NCOA2: variants seen among roughly 807,000 people sequenced by gnomAD.
NCOA2 encodes class E basic helix-loop-helix protein 75.
A neutral mutation model predicts 145.1 loss-of-function variants in NCOA2; 21 were observed. That is an observed-to-expected ratio of 0.14 (90% confidence interval 0.10 to 0.21). The LOEUF is 0.21. Ranked by LOEUF, NCOA2 falls within the 10% of genes least tolerant of loss-of-function variation. The pLI, the probability that NCOA2 is intolerant of heterozygous loss-of-function variation, is 1.00. For synonymous variants in NCOA2, 619 were observed against 637.5 expected (o/e 0.97, Z 0.44); for missense variants, 1,472 against 1,837.6 (o/e 0.80, Z 3.64).
At position 70,144,636 on chromosome 8, in the gene NCOA2, C is replaced by G; in HGVS notation, c.2812+6G>C. ...CAATAAAGTAACAGTGCATTTGACC[C>G]CTTACCTGTGCTACTGTTCCCTAAA... On this transcript the variant is annotated splice_donor_region_variant and intron_variant, in intron 13 of 22. Transcript: ENST00000452400. 6.2e-7 allele frequency: 1 copy of G among 1,610,086 alleles called. No individual in the cohort carries two copies. Among genetic ancestry groups the G allele is most frequent in the East Asian group, 2.2e-5 (1 of 44,856 alleles).
chr8:70,119,083 G>A (rs1360717779), intron 22 of NCOA2, among the ~76,000 whole-genome samples: 3 of 152,104 alleles, frequency 2.0e-5, no homozygotes, highest in African/African-American at 7.2e-5. Context: ...TCAAGACAGG[G>A]TTTTAGGGTG....
chr8:70,426,081 A>G, the NCOA2 span, among the ~76,000 whole-genome samples: 1 of 152,210 alleles, frequency 6.6e-6, no homozygotes, highest in East Asian at 1.9e-4. Flanking sequence ...AGTAAACAGC[A>G]AAACTCTTCT....
intron 4 of NCOA2, among the ~76,000 whole-genome samples, chr8:70,199,553 C>G (rs950345838): frequency 6.6e-6 from 1 of 151,638 alleles, no homozygotes; most frequent in Non-Finnish European, 1.5e-5. Context: ...CTCTGATCAA[C>G]GGGAGTCGCT....
chr8:70,226,789 A>T (rs552526561), intron 2 of NCOA2, among the ~76,000 whole-genome samples: 28 of 152,000 alleles, frequency 1.8e-4, no homozygotes, highest in Non-Finnish European at 3.7e-4. Context: ...TATGTTCTTT[A>T]ACTATATGGA....
At chr8:70,340,628 T>C (rs868122427) in intron 1 of NCOA2, among the ~76,000 whole-genome samples, 3 of 152,238 alleles carry the variant, frequency 2.0e-5, no homozygotes, top group Non-Finnish European at 4.4e-5. Context: ...CATTCTATTA[T>C]AAAGATACAT....
At position 70,337,985 on chromosome 8, in the gene NCOA2, T is replaced by C. The variant is rs370275370; in HGVS notation, c.-76-41185A>G. ...GCACTAAATGCCCACATCAAAAAGC[T>C]AGAAAGATCTCAAGTTAATAACCTA... On this transcript the variant is annotated intron_variant, in intron 1 of 22. Coordinates refer to ENST00000452400, the MANE Select transcript of NCOA2 (RefSeq NM_006540.4). 1.8e-3 allele frequency among the ~76,000 whole-genome samples: 274 copies of C among 152,042 alleles called. 1 individual carries two copies. Among genetic ancestry groups the C allele is most frequent in the African/African-American group, 6.4e-3 (266 of 41,472 alleles).
intron 4 of NCOA2, among the ~76,000 whole-genome samples, chr8:70,194,964 A>G (rs1586044208): frequency 6.6e-6 from 1 of 152,168 alleles, no homozygotes; most frequent in South Asian, 2.1e-4. Context: ...CTAGACTTCA[A>G]TGCTAGTCCT....
chr8:70,309,974 C>A (rs1190182050), intron 1 of NCOA2, among the ~76,000 whole-genome samples: 1 of 150,648 alleles, frequency 6.6e-6, no homozygotes. Context: ...AACAAACAAA[C>A]AAAAAAACGA....
At chr8:70,406,126 T>C (rs1423355970), upstream of NCOA2, among the ~76,000 whole-genome samples, 1 of 152,224 alleles carries the variant, frequency 6.6e-6, no homozygotes, top group Non-Finnish European at 1.5e-5. Flanking sequence ...CCTAGTCTTG[T>C]TCTTGTTTGT....
At chr8:70,208,045 G>A (rs1313998195) in intron 4 of NCOA2, among the ~76,000 whole-genome samples, 1 of 151,792 alleles carries the variant, frequency 6.6e-6, no homozygotes, top group East Asian at 1.9e-4. Context: ...GAGCTTAAGA[G>A]TTCGAGACCA....
rs116813268 is a variant in NCOA2, at chr8:70,288,303, G to A, written c.-20+8441C>T. On this transcript the variant is annotated intron_variant, in intron 2 of 22. Coordinates refer to ENST00000452400, the MANE Select transcript of NCOA2 (RefSeq NM_006540.4). ...TTTAAAAATATGGAGGAAATAGGCC[G>A]GTGTGTGGCTCATGCCTGTAATCTC... Among the ~76,000 whole-genome samples the A allele has an allele frequency of 9.3e-3, 1,422 of 152,206 alleles. 22 individuals are homozygous for A. Among genetic ancestry groups the A allele is most frequent in the African/African-American group, 0.032 (1,319 of 41,522 alleles).
intron 1 of NCOA2, among the ~76,000 whole-genome samples, chr8:70,339,732 A>T (rs1479451352): frequency 6.6e-6 from 1 of 152,214 alleles, no homozygotes; most frequent in African/African-American, 2.4e-5. Flanking sequence ...CTGGTATAAA[A>T]ACAGACACAC....
intron 2 of NCOA2, among the ~76,000 whole-genome samples, chr8:70,226,452 GCAA>G (rs1163912903): frequency 6.6e-6 from 1 of 151,916 alleles, no homozygotes; most frequent in Non-Finnish European, 1.5e-5. Flanking sequence ...AAAAAATCTT[GCAA>G]CAACTGAGGG....
intron 2 of NCOA2, among the ~76,000 whole-genome samples, chr8:70,289,218 G>A (rs1826482660): frequency 6.6e-6 from 1 of 152,174 alleles, no homozygotes; most frequent in Admixed American, 6.5e-5. Flanking sequence ...GGAAGAATTA[G>A]TAATCTAGAT....
the NCOA2 span, among the ~76,000 whole-genome samples, chr8:70,450,787 G>A: frequency 1.4e-4 from 21 of 150,800 alleles, no homozygotes; most frequent in African/African-American, 4.6e-4. Flanking sequence ...CGCTAGTCTC[G>A]AACTCTTGAC....
chr8:70,116,274 G>A (rs1482580029), intron 22 of NCOA2, among the ~76,000 whole-genome samples: 1 of 144,402 alleles, frequency 6.9e-6, no homozygotes, highest in Non-Finnish European at 1.5e-5. Flanking sequence ...GAAAAGAGCA[G>A]GGCACAGTGG....
chr8:70,215,283 G>A (rs1819486239), intron 3 of NCOA2, among the ~76,000 whole-genome samples: 1 of 152,150 alleles, frequency 6.6e-6, no homozygotes, highest in South Asian at 2.1e-4. Flanking sequence ...TGACAAATAG[G>A]TGAGAAAGGG....
chr8:70,204,089 C>A lies in NCOA2; in HGVS notation c.259+9814G>T, dbSNP rs145308128. Among the ~76,000 whole-genome samples, 1,413 of 152,106 alleles carry A rather than the reference C, an allele frequency of 9.3e-3. 22 individuals carry two copies. Among genetic ancestry groups the A allele is most frequent in the African/African-American group, 0.032 (1,316 of 41,466 alleles). ...GTGGTGCAATCTTGGCTCACCGCAA[C>A]CTCTGCTTCCCGGGTTCAAGCGATT... is the stretch of plus-strand genomic sequence containing the variant. On this transcript the variant is annotated intron_variant, in intron 4 of 22. Transcript: ENST00000452400.
At chr8:70,399,306 T>G (rs960594485) in intron 1 of NCOA2, among the ~76,000 whole-genome samples, 13 of 152,178 alleles carry the variant, frequency 8.5e-5, no homozygotes, top group Non-Finnish European at 1.8e-4. Flanking sequence ...CACAAACACT[T>G]AGAACCTTTT....
Sources: allele counts gnomAD v4.1 joint callset (sites outside exome capture counted in the v4.1 genomes callset), GRCh38; gene constraint gnomAD v4.1.1; transcripts MANE v1.5; gene names NCBI Gene and HGNC (gene_info 2026-07-23, HGNC 2026-07-21).